Variants in TRHDE observed in about 807,000 individuals in gnomAD.
TRHDE encodes the protein thyrotropin-releasing hormone-degrading ectoenzyme.
A neutral mutation model predicts 125.7 loss-of-function variants in TRHDE; 72 were observed. The ratio of observed to expected loss-of-function variants is 0.57; its 90% CI spans 0.47 to 0.70. TRHDE has a LOEUF of 0.70. Among genes scored for constraint, TRHDE ranks in the 30% least tolerant of loss-of-function variants. The pLI is 0.00. For synonymous variants in TRHDE, 509 were observed against 509.1 expected, an observed-to-expected ratio of 1.00 and a Z score of 0.00; for missense variants, 1,110 against 1,327.1, an observed-to-expected ratio of 0.84 and a Z score of 2.54.
chr12:72,207,247 G>A (rs889355754), intron 2 of TRHDE, among the ~76,000 whole-genome samples: 2 of 152,152 alleles, frequency 1.3e-5, no homozygotes, highest in African/African-American at 4.8e-5. Context: ...TATTACATAA[G>A]GTCCAGTCAC....
intron 2 of TRHDE, among the ~76,000 whole-genome samples, chr12:72,371,306 T>C (rs1464810502): frequency 6.6e-6 from 1 of 150,998 alleles, no homozygotes; most frequent in East Asian, 1.9e-4. Context: ...GCTCATTTAT[T>C]CATCAAAGTT....
chr12:72,517,909 T>A (rs1387471495), intron 6 of TRHDE, among the ~76,000 whole-genome samples: 71 of 151,862 alleles, frequency 4.7e-4, no homozygotes, highest in South Asian at 2.9e-3. Flanking sequence ...TGTACCCAGT[T>A]GTCATTCAGG....
chr12:72,377,334 A>G (rs1871935379), intron 2 of TRHDE, among the ~76,000 whole-genome samples: 1 of 149,980 alleles, frequency 6.7e-6, no homozygotes, highest in Non-Finnish European at 1.5e-5. Context: ...AGGACTAGAT[A>G]ATATACAATG....
At chr12:72,465,304 A>C (rs971038210) in intron 3 of TRHDE, among the ~76,000 whole-genome samples, 1 of 152,040 alleles carries the variant, frequency 6.6e-6, no homozygotes, top group African/African-American at 2.4e-5. Flanking sequence ...ATGTATACAC[A>C]CAGGAAATTA....
intron 12 of TRHDE, among the ~76,000 whole-genome samples, chr12:72,577,469 G>A (rs3782368): frequency 0.27 from 40,642 of 151,946 alleles, 8,223 homozygotes; most frequent in African/African-American, 0.55. Flanking sequence ...TAACCAGAGC[G>A]CTAAGCTGCT....
At chr12:72,511,406 T>A (rs2135948134) in intron 6 of TRHDE, among the ~76,000 whole-genome samples, 1 of 152,292 alleles carries the variant, frequency 6.6e-6, no homozygotes, top group East Asian at 1.9e-4. Flanking sequence ...AATTCCCATC[T>A]GTCTCTGAGT....
intron 3 of TRHDE, among the ~76,000 whole-genome samples, chr12:72,447,267 C>G (rs1565745062): frequency 1.3e-5 from 2 of 152,118 alleles, no homozygotes; most frequent in Non-Finnish European, 2.9e-5. Flanking sequence ...TGAATGGCTA[C>G]TGGGTACATA....
chr12:72,573,744 T>C lies in TRHDE; in HGVS notation c.2132-1511T>C, dbSNP rs1870856171. On this transcript the variant is annotated intron_variant, in intron 10 of 18. Coordinates refer to ENST00000261180, the MANE Select transcript of TRHDE (RefSeq NM_013381.3). ...TCAACATTAGAATGTGAAAAATGTA[T>C]ATCATATTATAGTAAAAGTGTTATA... is the stretch of plus-strand genomic sequence containing the variant. Among the ~76,000 whole-genome samples, 3 of 152,106 alleles carry C rather than the reference T, an allele frequency of 2.0e-5. No individual in the cohort carries two copies. In the South Asian group the frequency reaches 6.2e-4, roughly 32 times the overall value.
At position 72,392,366 on chromosome 12, in the gene TRHDE, G is replaced by A. The variant is rs548667121; in HGVS notation, c.1315+14245G>A. The stretch of plus-strand genomic sequence containing the variant: ...TTTCAGTCACAATTCCATTTTGTCC[G>A]AATTACTTTGATAATTTCAGAAGAA... On this transcript the variant is annotated intron_variant, in intron 3 of 18. Coordinates refer to ENST00000261180, the MANE Select transcript of TRHDE (RefSeq NM_013381.3). Among the ~76,000 whole-genome samples the A allele has an allele frequency of 3.9e-5, 6 of 152,152 alleles. No homozygotes were observed. In the South Asian group the frequency reaches 6.2e-4, roughly 16 times the overall value.
chr12:72,651,472 A>G (rs951958444), intron 15 of TRHDE, among the ~76,000 whole-genome samples: 1 of 152,098 alleles, frequency 6.6e-6, no homozygotes, highest in African/African-American at 2.4e-5. Context: ...ATTATTAATG[A>G]GAAATTTGAT....
chr12:72,402,771 AT>A (rs1283046832), intron 3 of TRHDE, among the ~76,000 whole-genome samples: 3 of 151,578 alleles, frequency 2.0e-5, no homozygotes, highest in Non-Finnish European at 2.9e-5. Flanking sequence ...AGCCTCATTG[AT>A]TTTTTTTTCT....
chr12:72,209,306 C>T (rs900418467), intron 2 of TRHDE, among the ~76,000 whole-genome samples: 5 of 152,194 alleles, frequency 3.3e-5, no homozygotes, highest in South Asian at 2.1e-4. Flanking sequence ...CATATGCACT[C>T]CCGTCCAGAT....
At chr12:72,136,535 G>A (rs1463944281) in intron 2 of TRHDE, among the ~76,000 whole-genome samples, 1 of 152,216 alleles carries the variant, frequency 6.6e-6, no homozygotes, top group African/African-American at 2.4e-5. Context: ...TGGATTCTGT[G>A]CCCAGCATAT....
chr12:72,552,673 T>C (rs11179246), intron 7 of TRHDE, among the ~76,000 whole-genome samples: 3,262 of 152,220 alleles, frequency 0.021, 114 homozygotes, highest in African/African-American at 0.075. Context: ...TTCCTTTTGG[T>C]AGCCTGTAAA....
intron 3 of TRHDE, among the ~76,000 whole-genome samples, chr12:72,418,674 G>C (rs562523303): frequency 1.3e-5 from 2 of 152,042 alleles, no homozygotes; most frequent in Non-Finnish European, 2.9e-5. Flanking sequence ...TTCATCGGAG[G>C]TACTCAAAGT....
intron 17 of TRHDE, among the ~76,000 whole-genome samples, chr12:72,656,627 G>A (rs1874717786): frequency 6.6e-6 from 1 of 152,016 alleles, no homozygotes; most frequent in South Asian, 2.1e-4. Context: ...GCCTTGGCTT[G>A]GAAATATACT....
intron 3 of TRHDE, among the ~76,000 whole-genome samples, chr12:72,437,301 T>C (rs1453414879): frequency 6.6e-6 from 1 of 151,878 alleles, no homozygotes; most frequent in Non-Finnish European, 1.5e-5. Context: ...TTTGTAACCT[T>C]TCCTTTTCCC....
At chr12:72,620,252 C>T (rs1262957544) in intron 13 of TRHDE, among the ~76,000 whole-genome samples, 1 of 142,710 alleles carries the variant, frequency 7.0e-6, no homozygotes, top group Non-Finnish European at 1.5e-5. Flanking sequence ...ATTGTAATTT[C>T]ATTGTTTGTA....
intron 16 of TRHDE, 63 bp from the exon 17 acceptor site, chr12:72,652,953 G>A (rs1874564017): frequency 2.1e-6 from 3 of 1,400,398 alleles, no homozygotes; most frequent in African/African-American, 1.5e-5. Context: ...TATAATTTTA[G>A]TAAGATTATA....
Sources: gnomAD v4.1 joint callset for allele counts (sites outside exome capture counted in the v4.1 genomes callset) on GRCh38, gnomAD v4.1.1 for gene constraint, MANE v1.5 for transcripts, NCBI Gene and HGNC (gene_info 2026-07-23, HGNC 2026-07-21) for gene names.